The following COX18 variants were observed in gnomAD, a reference collection of about 807,000 sequenced individuals.
The protein encoded by COX18 is cytochrome c oxidase assembly factor COX18, also known as cytochrome c oxidase assembly protein COX18, mitochondrial.
In COX18, 45 loss-of-function variants were observed where a neutral mutation model predicts 38.0. The observed-to-expected ratio is 1.18, with a 90% confidence interval of 0.93 to 1.52. The LOEUF (loss-of-function observed/expected upper bound fraction) is 1.52. Among genes scored for constraint, COX18 ranks in the 40% most tolerant of loss-of-function variants. The pLI, the probability that COX18 is intolerant of heterozygous loss-of-function variation, is 0.00. For synonymous variants in COX18, 177 were observed against 169.8 expected, an observed-to-expected ratio of 1.04 and a Z score of -0.33; for missense variants, 462 against 423.8, an observed-to-expected ratio of 1.09 and a Z score of -0.79.
chr4:73,067,864 A>AATATATATATATATATAT (rs1377330345), intron 2 of COX18, among the ~76,000 whole-genome samples, 165 bp downstream of exon 2: 3 of 20,020 alleles, frequency 1.5e-4, no homozygotes, highest in Non-Finnish European at 4.7e-4. Flanking sequence ...AAAAAAAAAA[A>AATATATATATATATATAT]ATATATATAT....
intron 2 of COX18, among the ~76,000 whole-genome samples, chr4:73,066,914 A>T (rs1229515411): frequency 1.3e-5 from 2 of 152,256 alleles, no homozygotes; most frequent in Non-Finnish European, 2.9e-5. Flanking sequence ...TATATGGTTA[A>T]TAATATACAC....
At chr4:73,065,482 T>C (rs146297572) in intron 2 of COX18, 69 bp from the exon 3 acceptor site, 262 of 1,302,520 alleles carry the variant, frequency 2.0e-4, no homozygotes, top group Admixed American at 2.9e-4. Context: ...TTTATTTCCA[T>C]AGCACAAATA....
chr4:73,055,928 T>G lies in COX18; in HGVS notation c.*2186A>C, dbSNP rs1490023966. The stretch of plus-strand genomic sequence containing the variant: ...GAACTTGTATGAAAAAAGAACCTAG[T>G]CTTAATTGCCACCATCTATGTCTAA... On this transcript the variant is annotated 3_prime_UTR_variant, in exon 6 of 6. Transcript: ENST00000507544. 2.0e-5 allele frequency: 3 copies of G among 152,172 alleles called. No individual in the cohort carries two copies. The highest frequency in any genetic ancestry group is 2.9e-5 in the Non-Finnish European group (2 of 68,020). The allele number at this position is 152,172 out of a possible 1,614,324, so 9.4% of individuals were successfully genotyped here.
chr4:73,064,691 A>G, intron 4 of COX18, 87 bp downstream of exon 4: 3 of 1,481,274 alleles, frequency 2.0e-6, no homozygotes, highest in Non-Finnish European at 2.8e-6. Context: ...TATCTTCACC[A>G]ACTCAAACAA....
At chr4:73,062,387 CTAAT>C (rs1053109747) in intron 4 of COX18, among the ~76,000 whole-genome samples, 5 of 151,300 alleles carry the variant, frequency 3.3e-5, no homozygotes, top group East Asian at 2.0e-4. Context: ...AAAAAAAACA[CTAAT>C]TATGTCAAAT....
intron 3 of COX18, 102 bp downstream of exon 3, chr4:73,065,148 C>T (rs1577954717): frequency 1.9e-6 from 2 of 1,058,074 alleles, no homozygotes; most frequent in East Asian, 2.6e-5. Flanking sequence ...AGATAGTAAA[C>T]ATATCGTAAT....
chr4:73,063,042 C>T (rs922057287), intron 4 of COX18, among the ~76,000 whole-genome samples: 2 of 152,098 alleles, frequency 1.3e-5, no homozygotes, highest in African/African-American at 4.8e-5. Context: ...CAGTGGCTCA[C>T]ACCTGTAATT....
At chr4:73,064,731 C>G (rs749008481) in intron 4 of COX18, 47 bp downstream of exon 4, 1 of 1,597,202 alleles carries the variant, frequency 6.3e-7, no homozygotes, top group Non-Finnish European at 8.6e-7. Context: ...ACAGCAGCAA[C>G]AAAAATCCCC....
At chr4:73,063,710 C>T (rs903722140) in intron 4 of COX18, among the ~76,000 whole-genome samples, 1 of 152,198 alleles carries the variant, frequency 6.6e-6, no homozygotes, top group African/African-American at 2.4e-5. Flanking sequence ...CTTAGGGAAA[C>T]ATATTTGGAC....
rs1284264532 is a variant in COX18 at position 73,056,828 on chromosome 4, A to C, written c.*1286T>G. The C allele has an allele frequency of 6.6e-6, 1 of 152,244 alleles. No individual in the cohort carries two copies. The highest frequency in any genetic ancestry group is 2.4e-5 in the African/African-American group (1 of 41,456). 9.4% of individuals were successfully genotyped at this position (152,244 alleles called of 1,614,324 possible). The stretch of plus-strand genomic sequence containing the variant: ...AATCCTCTCCACCTCCAAAATAATA[A>C]GAAACATCTCAGCTGGGCACAGTGG... On this transcript the variant is annotated 3_prime_UTR_variant, in exon 6 of 6. Coordinates refer to ENST00000507544, the MANE Select transcript of COX18 (RefSeq NM_001297732.2).
chr4:73,067,864 A>AAAAAATATATATATATATATAT, intron 2 of COX18, among the ~76,000 whole-genome samples, 165 bp downstream of exon 2: 3 of 20,026 alleles, frequency 1.5e-4, no homozygotes, highest in Non-Finnish European at 4.6e-4. Context: ...AAAAAAAAAA[A>AAAAAATATATATATATATATAT]ATATATATAT....
At chr4:73,062,726 A>G (rs1281562365) in intron 4 of COX18, among the ~76,000 whole-genome samples, 1 of 151,658 alleles carries the variant, frequency 6.6e-6, no homozygotes, top group Non-Finnish European at 1.5e-5. Context: ...CCAGCTATTC[A>G]GGAGGGAGGC....
intron 1 of COX18, chr4:73,068,404 A>C (rs919968545): frequency 7.9e-6 from 2 of 254,304 alleles, no homozygotes; most frequent in East Asian, 2.2e-4. Context: ...CACCTACTTC[A>C]CAGGGTTACA....
chr4:73,069,068 T>C (rs1577960510), intron 1 of COX18, among the ~76,000 whole-genome samples: 1 of 152,364 alleles, frequency 6.6e-6, no homozygotes, highest in South Asian at 2.1e-4. Flanking sequence ...CCACTTGTGC[T>C]TGGAGCACAA....
chr4:73,060,249 T>A (rs902286441), intron 5 of COX18, among the ~76,000 whole-genome samples: 1 of 152,228 alleles, frequency 6.6e-6, no homozygotes, highest in African/African-American at 2.4e-5. Flanking sequence ...GTGTTTTAGA[T>A]CTCTTGTTAC....
chr4:73,064,675 C>CA, intron 4 of COX18, 103 bp downstream of exon 4: 6 of 1,350,922 alleles, frequency 4.4e-6, no homozygotes, highest in Non-Finnish European at 6.2e-6. Context: ...ACTTCTAACT[C>CA]AGAGCTATCT....
rs973034934 is a variant in COX18, at chr4:73,052,392, A to G, written c.*5722T>C. ...TATATAGTTGTATTTTTATTTTTAT[A>G]TAAATTTATATTCTTATTTTAGTTG... On this transcript the variant is annotated 3_prime_UTR_variant, in exon 6 of 6. Transcript: ENST00000507544. 25 of 152,088 alleles carry G rather than the reference A, an allele frequency of 1.6e-4. No individual in the cohort carries two copies. Among genetic ancestry groups the G allele is most frequent in the African/African-American group, 5.1e-4 (21 of 41,566 alleles). The allele number at this position is 152,088 out of a possible 1,614,324, so 9.4% of individuals were successfully genotyped here.
chr4:73,061,949 A>C, intron 4 of COX18, 29 bp from the exon 5 acceptor site: 1 of 1,153,494 alleles, frequency 8.7e-7, no homozygotes, highest in Non-Finnish European at 1.3e-6. Context: ...TACATGCATA[A>C]TGATTATTAA....
intron 2 of COX18, among the ~76,000 whole-genome samples, chr4:73,066,516 T>C (rs1201942853): frequency 6.6e-6 from 1 of 152,182 alleles, no homozygotes; most frequent in Non-Finnish European, 1.5e-5. Flanking sequence ...AGGGAGATTC[T>C]GTCTTGTTCA....
Sources: allele counts gnomAD v4.1 joint callset (sites outside exome capture counted in the v4.1 genomes callset), GRCh38; gene constraint gnomAD v4.1.1; transcripts MANE v1.5; gene names NCBI Gene and HGNC (gene_info 2026-07-23, HGNC 2026-07-21).